TBL3: variants seen among roughly 807,000 people sequenced by gnomAD.
The protein encoded by TBL3 is transducin beta-like protein 3.
A neutral mutation model predicts 102.7 loss-of-function variants in TBL3; 71 were observed. The observed-to-expected ratio is 0.69, with a 90% confidence interval of 0.57 to 0.84. TBL3 has a LOEUF of 0.84. Ranked by LOEUF, TBL3 falls within the 40% of genes least tolerant of loss-of-function variation. TBL3 has a pLI of 0.00. For missense variants in TBL3, 1,188 were observed against 1,098.5 expected (o/e 1.08, Z -1.15); for synonymous variants, 578 against 477.7 (o/e 1.21, Z -2.74).
Position 1,981,213 on chromosome 16 carries a change from G to A in TBL3, c.*2528G>A, listed in dbSNP as rs2083503115. 1.9e-6 allele frequency: 3 copies of A among 1,612,904 alleles called. No homozygotes were observed. The highest frequency in any genetic ancestry group is 2.5e-6 in the Non-Finnish European group (3 of 1,179,860). On this transcript the variant is annotated 3_prime_UTR_variant, in exon 22 of 22. Coordinates refer to ENST00000568546, the MANE Select transcript of TBL3 (RefSeq NM_006453.3). ...CTTCCAGGCTGCAGATTCCTGAAATGGGCGAGGACCCTTCTGCCTCCCCGT... is the reference window on the plus strand; with the variant it reads ...CTTCCAGGCTGCAGATTCCTGAAATAGGCGAGGACCCTTCTGCCTCCCCGT...
Position 1,975,211 on chromosome 16 carries a change from C to G in TBL3, c.660C>G (p.Ile220Met). Residue 220 changes from isoleucine (I) to methionine (M), a missense_variant, in exon 8 of 22, where the codon ATC (isoleucine) becomes ATG (methionine). Physicochemically the swap from Ile to Met is conservative, Grantham distance 10 (BLOSUM62 1). Transcript: ENST00000568546. ...MLSSGRDKIC[I>M]IWDLQSCQAT... ...GCTCCGGCCGTGACAAGATATGTAT[C>G]ATCTGGGACCTTCAGAGCTGCCAGG... The G allele has an allele frequency of 6.2e-7, 1 of 1,613,916 alleles. No individual in the cohort carries two copies. The highest frequency in any genetic ancestry group is 8.5e-7 in the Non-Finnish European group (1 of 1,180,040).
In TBL3 at chr16:1,974,089, C is replaced by A. The variant is rs868516508; in HGVS notation, c.75C>A (p.Tyr25Ter). 6.3e-7 allele frequency: 1 copy of A among 1,585,030 alleles called. No individual in the cohort carries two copies. Among genetic ancestry groups the A allele is most frequent in the South Asian group, 1.1e-5 (1 of 89,016 alleles). The change falls in exon 2 of 22, where the codon TAC becomes TAA. Residue 25 changes from tyrosine to a stop codon, truncating the protein, a stop_gained. Coordinates refer to ENST00000568546, the MANE Select transcript of TBL3 (RefSeq NM_006453.3). LOFTEE classifies it high-confidence loss of function. ...YAVERKIEPF[Y>*]KGGKAQLDQT... The stretch of plus-strand genomic sequence containing the variant: ...TGGAGCGCAAAATTGAGCCTTTCTA[C>A]AAGGGCGGAAAAGCACAGGTACCAG...
rs1251234750 is a variant in TBL3 at position 1,977,341 on chromosome 16, C to T, written c.1672-15C>T. 3 of 1,613,062 alleles carry T rather than the reference C, an allele frequency of 1.9e-6. No homozygotes were observed. The highest frequency in any genetic ancestry group is 1.7e-5 in the Admixed American group (1 of 59,988). On this transcript the variant is annotated splice_polypyrimidine_tract_variant and intron_variant, in intron 15 of 21. Transcript: ENST00000568546. ...CGCCCTGGTGACATCTCATGCCCTA[C>T]CCCCCACCTTGCAGACATTTGAGGG...
At position 1,977,443 on chromosome 16, in the gene TBL3, G is replaced by A; in HGVS notation, c.1742+17G>A. ...GCTGTCCAGGTGAGTGGGCTGGGGTGGGGCAGCGATGGAGTGGGGGGTGGC... is the reference window on the plus strand; with the variant it reads ...GCTGTCCAGGTGAGTGGGCTGGGGTAGGGCAGCGATGGAGTGGGGGGTGGC... On this transcript the variant is annotated intron_variant, in intron 16 of 21. Transcript: ENST00000568546. The A allele has an allele frequency of 6.2e-7, 1 of 1,612,358 alleles. No individual in the cohort carries two copies. The highest frequency in any genetic ancestry group is 8.5e-7 in the Non-Finnish European group (1 of 1,179,842).
In TBL3 at chr16:1,975,369, C is replaced by G; in HGVS notation, c.736C>G (p.Pro246Ala). ...FESVEAAVLL[P>A]EEPVSQLGVK... Reference sequence around the variant, plus strand: ...GAGCGTGGAGGCTGCTGTGCTGTTGCCAGAGGAGCCAGTGTCCCAGCTGGG... The same window carrying G: ...GAGCGTGGAGGCTGCTGTGCTGTTGGCAGAGGAGCCAGTGTCCCAGCTGGG... The change falls in exon 9 of 22, where the codon CCA becomes GCA. Residue 246 changes from proline to alanine, a missense_variant. Physicochemically the swap from Pro to Ala is conservative, Grantham distance 27 (BLOSUM62 -1). Coordinates refer to ENST00000568546, the MANE Select transcript of TBL3 (RefSeq NM_006453.3). 6.2e-7 allele frequency: 1 copy of G among 1,613,970 alleles called. No individual in the cohort carries two copies. Among genetic ancestry groups the G allele is most frequent in the Non-Finnish European group, 8.5e-7 (1 of 1,179,996 alleles).
In TBL3 at chr16:1,978,618, A is replaced by G; in HGVS notation, c.2360A>G (p.Asn787Ser). ...GCTTTCTTGGACTTCCTGTGGCACA[A>G]CATGAAGCTCCCTGTGCCGGCCGCC... is the stretch of plus-strand genomic sequence containing the variant. ...AAAFLDFLWH[N>S]MKLPVPAAAP... is the part of the protein sequence containing the mutation. Residue 787 changes from asparagine (N) to serine (S), a missense_variant, in exon 22 of 22, where the codon AAC (asparagine) becomes AGC (serine). Physicochemically the swap from Asn to Ser is conservative, Grantham distance 46. Transcript: ENST00000568546. 1 of 1,612,814 alleles carries G rather than the reference A, an allele frequency of 6.2e-7. No homozygotes were observed. The highest frequency in any genetic ancestry group is 8.5e-7 in the Non-Finnish European group (1 of 1,179,874).
rs769010540 is a variant in TBL3, at chr16:1,980,189, G to C, written c.*1504G>C. The C allele has an allele frequency of 6.3e-6, 10 of 1,593,966 alleles. No individual in the cohort carries two copies. The highest frequency in any genetic ancestry group is 2.7e-5 in the African/African-American group (2 of 74,786). On this transcript the variant is annotated 3_prime_UTR_variant, in exon 22 of 22. Coordinates refer to ENST00000568546, the MANE Select transcript of TBL3 (RefSeq NM_006453.3). ...GTGGGCAGGATCACCCGGCTGGGAA[G>C]GGCAGCCCGTACGAGTGAGAGGTAG...
Position 1,980,294 on chromosome 16 carries a change from G to A in TBL3, c.*1609G>A. 1 of 1,528,880 alleles carries A rather than the reference G, an allele frequency of 6.5e-7. No homozygotes were observed. Among genetic ancestry groups the A allele is most frequent in the Non-Finnish European group, 8.8e-7 (1 of 1,139,226 alleles). The allele number at this position is 1,528,880 out of a possible 1,614,324, so 94.7% of individuals were successfully genotyped here. ...CACTCTCTGCCCCTATTCGCTGGCTGTTCCCCCCCACCCTGGACCTCTCCC... is the reference window on the plus strand; with the variant it reads ...CACTCTCTGCCCCTATTCGCTGGCTATTCCCCCCCACCCTGGACCTCTCCC... On this transcript the variant is annotated 3_prime_UTR_variant, in exon 22 of 22. Transcript: ENST00000568546.
rs758284366 is a variant in TBL3 at position 1,982,113 on chromosome 16, G to T, written c.*3428G>T. The T allele has an allele frequency of 6.6e-6, 1 of 152,104 alleles. No homozygotes were observed. Among genetic ancestry groups the T allele is most frequent in the South Asian group, 2.1e-4 (1 of 4,824 alleles). The allele number at this position is 152,104 out of a possible 1,614,324, so 9.4% of individuals were successfully genotyped here. A position where few individuals can be genotyped will look rare whatever the true frequency, so the allele number is the denominator to read the frequency against. ...CCCTGGCACACAGTGGTTTTTCCTC[G>T]TGCTGGGGCCACCAGTTCTGTGTTG... On this transcript the variant is annotated 3_prime_UTR_variant, in exon 22 of 22. Coordinates refer to ENST00000568546, the MANE Select transcript of TBL3 (RefSeq NM_006453.3).
In TBL3 at chr16:1,981,048, G is replaced by A. The variant is rs1159128382; in HGVS notation, c.*2363G>A. On this transcript the variant is annotated 3_prime_UTR_variant, in exon 22 of 22. Coordinates refer to ENST00000568546, the MANE Select transcript of TBL3 (RefSeq NM_006453.3). ...GGGGACAAAAAGTTGGGAGTGCCGT[G>A]GAGGTGCTGGTCCAGGCACCCCCTT... The A allele has an allele frequency of 6.2e-7, 1 of 1,611,790 alleles. No individual in the cohort carries two copies. The highest frequency in any genetic ancestry group is 1.3e-5 in the African/African-American group (1 of 75,040).
chr16:1,974,161 C>T (rs748860022), intron 2 of TBL3, 36 bp from the exon 3 acceptor site: 2 of 1,562,544 alleles, frequency 1.3e-6, no homozygotes, highest in Non-Finnish European at 8.7e-7. Flanking sequence ...GCGGGGGGTG[C>T]TGAATGTTGC....
intron 16 of TBL3, 35 bp from the exon 17 acceptor site, chr16:1,977,479 G>C (rs2083413013): frequency 6.2e-7 from 1 of 1,608,644 alleles, no homozygotes; most frequent in South Asian, 1.1e-5. Flanking sequence ...GGGGGGACCT[G>C]CCTGACGCTG....
At position 1,978,946 on chromosome 16, in the gene TBL3, C is replaced by G; in HGVS notation, c.*261C>G. 2.5e-6 allele frequency: 3 copies of G among 1,211,704 alleles called. No homozygotes were observed. The highest frequency in any genetic ancestry group is 2.8e-5 in the South Asian group (2 of 71,520). The allele number at this position is 1,211,704 out of a possible 1,614,324, so 75.1% of individuals were successfully genotyped here. ...GCAGAACAAGCTTTACTCAGAGGAA[C>G]AGCAAATGGCCCCCTCCCATCCCTG... On this transcript the variant is annotated 3_prime_UTR_variant, in exon 22 of 22. Transcript: ENST00000568546.
intron 1 of TBL3, among the ~76,000 whole-genome samples, chr16:1,973,678 C>A (rs1218996998): frequency 6.6e-6 from 1 of 152,120 alleles, no homozygotes; most frequent in Non-Finnish European, 1.5e-5. Flanking sequence ...GATGAAGACA[C>A]TGGGAGGATG....
Position 1,975,426 on chromosome 16 carries a change from G to A in TBL3, c.793G>A (p.Ala265Thr). The change falls in exon 9 of 22, where the codon GCT becomes ACT. Residue 265 changes from alanine to threonine, a missense_variant. Physicochemically the swap from Ala to Thr is moderately conservative, Grantham distance 58 (BLOSUM62 0). Coordinates refer to ENST00000568546, the MANE Select transcript of TBL3 (RefSeq NM_006453.3). The part of the protein sequence containing the change: ...VKSPGLYFLT[A>T]GDQGTLRVWE... Reference sequence around the variant, plus strand: ...GTCCCCAGGGCTGTACTTTCTGACAGCTGGCGACCAAGGTGTGTTGGGCCG... The same window carrying A: ...GTCCCCAGGGCTGTACTTTCTGACAACTGGCGACCAAGGTGTGTTGGGCCG... 1.2e-6 allele frequency: 2 copies of A among 1,613,770 alleles called. No individual in the cohort carries two copies. The highest frequency in any genetic ancestry group is 1.7e-6 in the Non-Finnish European group (2 of 1,179,940).
chr16:1,980,009 G>C lies in TBL3; in HGVS notation c.*1324G>C. On this transcript the variant is annotated 3_prime_UTR_variant, in exon 22 of 22. Coordinates refer to ENST00000568546, the MANE Select transcript of TBL3 (RefSeq NM_006453.3). ...TGGGGGGCCCTACCTGAGGGGTGCCGCAGCAGCACGTCCAGGCTCTCCTGG... is the reference window on the plus strand; with the variant it reads ...TGGGGGGCCCTACCTGAGGGGTGCCCCAGCAGCACGTCCAGGCTCTCCTGG... 6.2e-7 allele frequency: 1 copy of C among 1,603,892 alleles called. No homozygotes were observed. The highest frequency in any genetic ancestry group is 8.5e-7 in the Non-Finnish European group (1 of 1,176,510).
rs765968542 is a variant in TBL3, at chr16:1,976,119, G to C, written c.1188+5G>C. 6.2e-6 allele frequency: 10 copies of C among 1,614,012 alleles called. No homozygotes were observed. The highest frequency in any genetic ancestry group is 8.5e-6 in the Non-Finnish European group (10 of 1,180,056). On this transcript the variant is annotated splice_donor_5th_base_variant and intron_variant, in intron 12 of 21. Transcript: ENST00000568546. ...CTCTTTGCCAGCTGTGCCAAGGTGA[G>C]GCACCCTGAGAGGTAGGGGCAGGGG...
In TBL3 at chr16:1,977,992, C is replaced by G; in HGVS notation, c.1993C>G (p.Arg665Gly). ...GCTGGACAACCTGCTGCATGAGAAGCGGTACCTGCGGGCGCTGGGCCTGGC... is the reference window on the plus strand; with the variant it reads ...GCTGGACAACCTGCTGCATGAGAAGGGGTACCTGCGGGCGCTGGGCCTGGC... ...QELDNLLHEK[R>G]YLRALGLAIS... Residue 665 changes from arginine (R) to glycine (G), a missense_variant, in exon 19 of 22, where the codon CGG becomes GGG. Transcript: ENST00000568546. The G allele has an allele frequency of 6.2e-7, 1 of 1,605,386 alleles. No homozygotes were observed.
chr16:1,979,096 G>T lies in TBL3; in HGVS notation c.*411G>T. 1 of 1,508,022 alleles carries T rather than the reference G, an allele frequency of 6.6e-7. No individual in the cohort carries two copies. The highest frequency in any genetic ancestry group is 2.6e-5 in the East Asian group (1 of 38,942). The allele number at this position is 1,508,022 out of a possible 1,614,324, so 93.4% of individuals were successfully genotyped here. A position where few individuals can be genotyped will look rare whatever the true frequency, so the allele number is the denominator to read the frequency against. On this transcript the variant is annotated 3_prime_UTR_variant, in exon 22 of 22. Coordinates refer to ENST00000568546, the MANE Select transcript of TBL3 (RefSeq NM_006453.3). ...TGCGGCACAGAGTCCACGCACCCTC[G>T]AGGGCGGCCCTGGCGCCGTGGGCGC...
Sources: gnomAD v4.1 joint callset for allele counts (sites outside exome capture counted in the v4.1 genomes callset) on GRCh38, gnomAD v4.1.1 for gene constraint, MANE v1.5 for transcripts, NCBI Gene and HGNC (gene_info 2026-07-23, HGNC 2026-07-21) for gene names.